SIM1: variants seen among roughly 807,000 people sequenced by gnomAD.
The protein encoded by SIM1 is single-minded homolog 1.
Under a neutral mutation model 78.2 loss-of-function variants are expected in SIM1, and 18 were observed. The ratio of observed to expected loss-of-function variants is 0.23; its 90% CI spans 0.16 to 0.34. The LOEUF (loss-of-function observed/expected upper bound fraction) is 0.34, where lower values mean the gene tolerates loss of function less well. SIM1 is among the 10% of genes least tolerant of loss of function. The pLI is 1.00. For synonymous variants in SIM1, 417 were observed against 385.2 expected, an observed-to-expected ratio of 1.08 and a Z score of -0.97; for missense variants, 939 against 975.1, an observed-to-expected ratio of 0.96 and a Z score of 0.49.
intron 10 of SIM1, among the ~76,000 whole-genome samples, chr6:100,416,682 C>G (rs1013371068): frequency 6.6e-6 from 1 of 152,070 alleles, no homozygotes; most frequent in East Asian, 1.9e-4. Context: ...CAGCTATTAA[C>G]ACAGAAAGGA....
rs978414317 is a variant in SIM1 at position 100,388,679 on chromosome 6, T to A, written c.*1682A>T. Reference sequence around the variant, plus strand: ...CATGTTCTGTTTCCAAAATTGTAAGTCAAGTTCTGCCAGTACATTCCCTTC... The same window carrying A: ...CATGTTCTGTTTCCAAAATTGTAAGACAAGTTCTGCCAGTACATTCCCTTC... On this transcript the variant is annotated 3_prime_UTR_variant, in exon 12 of 12. Transcript: ENST00000369208. 1 of 152,170 alleles carries A rather than the reference T, an allele frequency of 6.6e-6. No homozygotes were observed. The highest frequency in any genetic ancestry group is 2.4e-5 in the African/African-American group (1 of 41,430). 9.4% of individuals were successfully genotyped at this position (152,170 alleles called of 1,614,324 possible). A position where few individuals can be genotyped will look rare whatever the true frequency, so the allele number is the denominator to read the frequency against.
intron 2 of SIM1, among the ~76,000 whole-genome samples, chr6:100,460,225 G>T (rs1363726595): frequency 6.6e-6 from 1 of 151,694 alleles, no homozygotes; most frequent in Non-Finnish European, 1.5e-5. Context: ...CCCCAGACAA[G>T]GAAGCTACTA....
chr6:100,442,552 A>G (rs1359792267), intron 9 of SIM1, among the ~76,000 whole-genome samples: 1 of 152,152 alleles, frequency 6.6e-6, no homozygotes, highest in Non-Finnish European at 1.5e-5. Flanking sequence ...TTGGAAGATC[A>G]AAAGATTAAG....
At position 100,386,841 on chromosome 6, in the gene SIM1, T is replaced by C. The variant is rs1269468031; in HGVS notation, c.*3520A>G. On this transcript the variant is annotated 3_prime_UTR_variant, in exon 12 of 12. Coordinates refer to ENST00000369208, the MANE Select transcript of SIM1 (RefSeq NM_005068.3). The stretch of plus-strand genomic sequence containing the variant: ...ACCTCAGCACTGTCATATTATCTTT[T>C]ATCAGGCAATTACAGTTTAGGTAAG... 1.3e-5 allele frequency: 2 copies of C among 152,108 alleles called. No individual in the cohort carries two copies. The highest frequency in any genetic ancestry group is 6.5e-5 in the Admixed American group (1 of 15,270). 9.4% of individuals were successfully genotyped at this position (152,108 alleles called of 1,614,324 possible).
At chr6:100,424,308 C>A (rs1771668703) in intron 9 of SIM1, among the ~76,000 whole-genome samples, 1 of 152,100 alleles carries the variant, frequency 6.6e-6, no homozygotes, top group Non-Finnish European at 1.5e-5. Flanking sequence ...AAATAATCCA[C>A]CAAAATTTAA....
At chr6:100,428,648 A>G (rs1483087207) in intron 9 of SIM1, among the ~76,000 whole-genome samples, 1 of 141,550 alleles carries the variant, frequency 7.1e-6, no homozygotes, top group Non-Finnish European at 1.5e-5. Flanking sequence ...CATACCTTAA[A>G]TTCAGCACAC....
intron 10 of SIM1, among the ~76,000 whole-genome samples, chr6:100,395,355 C>A (rs990505993): frequency 4.6e-5 from 7 of 152,112 alleles, no homozygotes; most frequent in African/African-American, 1.7e-4. Context: ...CCATTTAATA[C>A]AGGAAGAAAG....
intron 2 of SIM1, among the ~76,000 whole-genome samples, chr6:100,459,156 C>T (rs965704702): frequency 6.6e-6 from 1 of 152,218 alleles, no homozygotes; most frequent in African/African-American, 2.4e-5. Flanking sequence ...CCCGTTTTAT[C>T]ATTAGACGGG....
intron 2 of SIM1, among the ~76,000 whole-genome samples, chr6:100,459,222 G>T (rs1772773198): frequency 6.6e-6 from 1 of 152,128 alleles, no homozygotes; most frequent in South Asian, 2.1e-4. Context: ...TGTTTTTGTT[G>T]TTGTTTGTTG....
Position 100,448,384 on chromosome 6 carries a change from G to A in SIM1, c.743+95C>T, listed in dbSNP as rs1772418123. 5 of 1,427,032 alleles carry A rather than the reference G, an allele frequency of 3.5e-6. No homozygotes were observed. In the East Asian group the frequency reaches 9.8e-5, roughly 28 times the overall value. The allele number at this position is 1,427,032 out of a possible 1,614,324, so 88.4% of individuals were successfully genotyped here. A position where few individuals can be genotyped will look rare whatever the true frequency, so the allele number is the denominator to read the frequency against. ...CAGGGCCGATTCAGTCGCCTCATGT[G>A]CAAAATGGGCTCATAGGATAGACGG... On this transcript the variant is annotated intron_variant, in intron 7 of 11. Transcript: ENST00000369208.
intron 6 of SIM1, 105 bp downstream of exon 6, chr6:100,449,258 G>T: frequency 1.1e-6 from 1 of 886,812 alleles, no homozygotes; most frequent in Non-Finnish European, 1.8e-6. Flanking sequence ...AGCTGGGGGT[G>T]CCCTTGCGGG....
Position 100,388,664 on chromosome 6 carries a change from T to C in SIM1, c.*1697A>G, listed in dbSNP as rs1770564208. 6.6e-6 allele frequency: 1 copy of C among 152,186 alleles called. No individual in the cohort carries two copies. The highest frequency in any genetic ancestry group is 6.5e-5 in the Admixed American group (1 of 15,280). The allele number at this position is 152,186 out of a possible 1,614,324, so 9.4% of individuals were successfully genotyped here. On this transcript the variant is annotated 3_prime_UTR_variant, in exon 12 of 12. Transcript: ENST00000369208. Reference sequence around the variant, plus strand: ...CTGAGTATTCAATTTCATGTTCTGTTTCCAAAATTGTAAGTCAAGTTCTGC... The same window carrying C: ...CTGAGTATTCAATTTCATGTTCTGTCTCCAAAATTGTAAGTCAAGTTCTGC...
intron 9 of SIM1, among the ~76,000 whole-genome samples, chr6:100,437,882 G>A (rs916362067): frequency 9.2e-5 from 14 of 152,118 alleles, no homozygotes; most frequent in African/African-American, 3.1e-4. Context: ...GTGGGTTTGA[G>A]GATATAGAGA....
chr6:100,418,625 G>A (rs1236895268), intron 10 of SIM1, among the ~76,000 whole-genome samples: 1 of 151,988 alleles, frequency 6.6e-6, no homozygotes, highest in Non-Finnish European at 1.5e-5. Context: ...TGAGGATTTG[G>A]GGGTCCAATA....
intron 10 of SIM1, among the ~76,000 whole-genome samples, chr6:100,406,522 T>C (rs1771054372): frequency 6.6e-6 from 1 of 152,182 alleles, no homozygotes; most frequent in Non-Finnish European, 1.5e-5. Context: ...TTTGTAATTT[T>C]GTAAAAAGAA....
At chr6:100,433,250 C>T (rs559140615) in intron 9 of SIM1, among the ~76,000 whole-genome samples, 17 of 152,306 alleles carry the variant, frequency 1.1e-4, no homozygotes, top group Admixed American at 3.3e-4. Flanking sequence ...AGATCCAAGG[C>T]GATCTGGCCC....
chr6:100,415,340 T>C (rs184712489), intron 10 of SIM1, among the ~76,000 whole-genome samples: 15 of 152,252 alleles, frequency 9.9e-5, no homozygotes, highest in South Asian at 4.1e-4. Context: ...TAAACTCAGG[T>C]TTTCTAATTC....
chr6:100,456,734 G>A (rs1772674846), intron 2 of SIM1, among the ~76,000 whole-genome samples: 1 of 152,176 alleles, frequency 6.6e-6, no homozygotes, highest in South Asian at 2.1e-4. Flanking sequence ...CATTAGAAGG[G>A]ATGTATCTAT....
chr6:100,392,153 G>A (rs773039833), intron 11 of SIM1, among the ~76,000 whole-genome samples: 11 of 152,260 alleles, frequency 7.2e-5, no homozygotes, highest in South Asian at 4.1e-4. Flanking sequence ...CAGCCTAGGC[G>A]ACAAGAGCGA....
Sources: gnomAD v4.1 joint callset for allele counts (sites outside exome capture counted in the v4.1 genomes callset) on GRCh38, gnomAD v4.1.1 for gene constraint, MANE v1.5 for transcripts, NCBI Gene and HGNC (gene_info 2026-07-23, HGNC 2026-07-21) for gene names.